PPA2: variants seen among roughly 807,000 people sequenced by gnomAD.
PPA2 encodes the protein inorganic pyrophosphatase 2, mitochondrial.
Under a neutral mutation model 49.5 loss-of-function variants are expected in PPA2, and 48 were observed. The observed-to-expected ratio is 0.97, with a 90% CI of 0.77 to 1.23. The LOEUF is 1.23. Among genes scored for constraint, PPA2 ranks in the 50% most tolerant of loss-of-function variants. The pLI is 0.00. For missense variants in PPA2, 429 were observed against 410.1 expected (o/e 1.05, Z -0.40); for synonymous variants, 131 against 139.9 (o/e 0.94, Z 0.45).
At chr4:105,467,450 G>A (rs1487083272) in intron 1 of PPA2, among the ~76,000 whole-genome samples, 3 of 152,252 alleles carry the variant, frequency 2.0e-5, no homozygotes, top group African/African-American at 7.2e-5. Flanking sequence ...GAGGAGCCCA[G>A]TATTAGATCC....
At position 105,409,252 on chromosome 4, in the gene PPA2, G is replaced by A. The variant is rs553236846; in HGVS notation, c.656-10088C>T. ...CTGGCAGACCATGGAATTCCCTTCC[G>A]TGTCTGGCTCAGCAGGTCCCACACC... On this transcript the variant is annotated intron_variant, in intron 7 of 11. Coordinates refer to ENST00000341695, the MANE Select transcript of PPA2 (RefSeq NM_176869.3). Among the ~76,000 whole-genome samples the A allele has an allele frequency of 7.2e-5, 11 of 152,344 alleles. No individual in the cohort carries two copies. The South Asian group carries it at 1.4e-3, about 20-fold the overall frequency.
intron 7 of PPA2, among the ~76,000 whole-genome samples, chr4:105,418,660 A>T (rs1578840675): frequency 1.3e-5 from 2 of 152,220 alleles, no homozygotes; most frequent in East Asian, 3.8e-4. Context: ...TTCATTTTTT[A>T]AAACTATAAA....
At chr4:105,441,725 T>A (rs1724369361) in intron 5 of PPA2, among the ~76,000 whole-genome samples, 1 of 152,144 alleles carries the variant, frequency 6.6e-6, no homozygotes, top group African/African-American at 2.4e-5. Context: ...AAAAGATGAT[T>A]ATAAAGCTAT....
Position 105,396,347 on chromosome 4 carries a change from AAAC to A in PPA2, c.784-16_784-14del. Reference sequence around the variant, plus strand: ...CAAGAGCAAAAGCCTAGCTCCAAACAAACAAATAAAAAAAGACGTATTTAATAT... The same window carrying A: ...CAAGAGCAAAAGCCTAGCTCCAAACAAAATAAAAAAAGACGTATTTAATAT... On this transcript the variant is annotated splice_polypyrimidine_tract_variant and intron_variant, in intron 8 of 11. Coordinates refer to ENST00000341695, the MANE Select transcript of PPA2 (RefSeq NM_176869.3). 6.5e-7 allele frequency: 1 copy of A among 1,532,282 alleles called. No homozygotes were observed. The highest frequency in any genetic ancestry group is 8.8e-7 in the Non-Finnish European group (1 of 1,132,320). 94.9% of individuals were successfully genotyped at this position (1,532,282 alleles called of 1,614,324 possible).
At chr4:105,397,069 T>G (rs1237179430) in intron 8 of PPA2, among the ~76,000 whole-genome samples, 1 of 152,220 alleles carries the variant, frequency 6.6e-6, no homozygotes, top group African/African-American at 2.4e-5. Flanking sequence ...AAAACTTGCT[T>G]TATAATTCCA....
intron 9 of PPA2, among the ~76,000 whole-genome samples, chr4:105,394,646 T>C (rs897387448): frequency 6.6e-6 from 1 of 152,168 alleles, no homozygotes; most frequent in Non-Finnish European, 1.5e-5. Flanking sequence ...CAGGAGGCTA[T>C]AGCAAAATGA....
At chr4:105,443,591 TCACACA>T (rs56765056) in intron 5 of PPA2, among the ~76,000 whole-genome samples, 2,081 of 145,476 alleles carry the variant, frequency 0.014, 22 homozygotes, top group Non-Finnish European at 0.021. Context: ...TATGGTGTAT[TCACACA>T]CACACACACA....
At chr4:105,406,114 C>CAAAAAAAAAAAAA (rs35468715) in intron 7 of PPA2, among the ~76,000 whole-genome samples, 13 of 97,538 alleles carry the variant, frequency 1.3e-4, no homozygotes, top group Admixed American at 3.4e-4. Flanking sequence ...TATAAAACTT[C>CAAAAAAAAAAAAA]AAAAAAAAAA....
At chr4:105,438,070 T>A (rs1724149361) in intron 5 of PPA2, 34 bp from the exon 6 acceptor site, 1 of 1,405,748 alleles carries the variant, frequency 7.1e-7, no homozygotes. Flanking sequence ...AGCAGAAATG[T>A]AAGTTAATAC....
At chr4:105,455,955 GGAAATAACCTACAACT>G (rs1722859665) in intron 2 of PPA2, 1 of 193,568 alleles carries the variant, frequency 5.2e-6, no homozygotes, top group African/African-American at 2.3e-5. Flanking sequence ...TGGATTTTAA[GGAAATAACCTACAACT>G]TAATGATGAT....
At chr4:105,452,540 A>G (rs1000652251) in intron 3 of PPA2, among the ~76,000 whole-genome samples, 3 of 152,222 alleles carry the variant, frequency 2.0e-5, no homozygotes, top group Non-Finnish European at 4.4e-5. Context: ...GTTCCAGTGT[A>G]GATGGTTCAA....
intron 10 of PPA2, among the ~76,000 whole-genome samples, chr4:105,381,514 A>G (rs1395692178): frequency 1.3e-5 from 2 of 152,094 alleles, no homozygotes; most frequent in Non-Finnish European, 2.9e-5. Flanking sequence ...TTCATGAATT[A>G]ACATGGGAAA....
chr4:105,395,214 G>A (rs1415773377), intron 9 of PPA2, among the ~76,000 whole-genome samples: 1 of 152,112 alleles, frequency 6.6e-6, no homozygotes, highest in African/African-American at 2.4e-5. Context: ...TAGGCAAAAT[G>A]GGCCTTCTTG....
At chr4:105,439,952 G>A (rs1462055141) in intron 5 of PPA2, among the ~76,000 whole-genome samples, 2 of 149,092 alleles carry the variant, frequency 1.3e-5, no homozygotes, top group African/African-American at 2.5e-5. Context: ...TTTTGTCCTT[G>A]AGATAGTTTG....
At chr4:105,438,112 C>G in intron 5 of PPA2, 76 bp from the exon 6 acceptor site, 2 of 1,051,486 alleles carry the variant, frequency 1.9e-6, no homozygotes, top group Non-Finnish European at 2.7e-6. Context: ...CACATAATCA[C>G]AAAGTTTTAT....
chr4:105,388,925 G>C (rs557967814), intron 9 of PPA2, among the ~76,000 whole-genome samples: 12 of 151,454 alleles, frequency 7.9e-5, no homozygotes, highest in Admixed American at 7.9e-4. Context: ...AAGATAAACC[G>C]ATACATAGGA....
rs1017328204 is a variant in PPA2 at position 105,463,670 on chromosome 4, G to A, written c.158-6925C>T. On this transcript the variant is annotated intron_variant, in intron 1 of 11. Transcript: ENST00000341695. Reference sequence around the variant, plus strand: ...TCGCTGGGCTCAGGGTCCCTCTGCTGTGTGCAGCCTAGGGAGTTGGTGCCT... The same window carrying A: ...TCGCTGGGCTCAGGGTCCCTCTGCTATGTGCAGCCTAGGGAGTTGGTGCCT... Among the ~76,000 whole-genome samples, 3 of 152,328 alleles carry A rather than the reference G, an allele frequency of 2.0e-5. No homozygotes were observed. The East Asian group carries it at 5.8e-4, about 29-fold the overall frequency.
At position 105,423,569 on chromosome 4, in the gene PPA2, A is replaced by G. The variant is rs147056626; in HGVS notation, c.655+627T>C. Among the ~76,000 whole-genome samples the G allele has an allele frequency of 9.2e-4, 140 of 152,304 alleles. No individual in the cohort carries two copies. The East Asian group carries it at 0.015, about 17-fold the overall frequency. On this transcript the variant is annotated intron_variant, in intron 7 of 11. Coordinates refer to ENST00000341695, the MANE Select transcript of PPA2 (RefSeq NM_176869.3). ...AGAGATGAGCAACTGAAATTCAGGA[A>G]TGATCTACCCAAAGTCACTCAGCCA...
At chr4:105,471,975 G>A (rs758553561) in intron 1 of PPA2, among the ~76,000 whole-genome samples, 5 of 152,122 alleles carry the variant, frequency 3.3e-5, no homozygotes, top group Non-Finnish European at 7.3e-5. Context: ...GAAAAATCAT[G>A]AGTCCTAAGT....
Sources: gnomAD v4.1 joint callset for allele counts (sites outside exome capture counted in the v4.1 genomes callset) on GRCh38, gnomAD v4.1.1 for gene constraint, MANE v1.5 for transcripts, NCBI Gene and HGNC (gene_info 2026-07-23, HGNC 2026-07-21) for gene names.